ZNF100: variants seen among roughly 807,000 people sequenced by gnomAD.
The protein encoded by ZNF100 is zinc finger protein 100 (Y1).
ZNF100 carries 12 observed loss-of-function variants against 15.8 expected under a neutral mutation model. The ratio of observed to expected loss-of-function variants is 0.76; its 90% CI spans 0.49 to 1.23. The LOEUF (loss-of-function observed/expected upper bound fraction) is 1.23. Among genes scored for constraint, ZNF100 ranks in the 50% most tolerant of loss-of-function variants. The probability of loss-of-function intolerance (pLI) is 0.00; values close to 1 mark genes in which losing one functional copy is unlikely to be tolerated. For synonymous variants in ZNF100, 226 were observed against 214.8 expected, an observed-to-expected ratio of 1.05 and a Z score of -0.45; for missense variants, 670 against 635.6, an observed-to-expected ratio of 1.05 and a Z score of -0.58.
intron 4 of ZNF100, among the ~76,000 whole-genome samples, chr19:21,741,254 G>C (rs1460254317): frequency 7.1e-6 from 1 of 141,464 alleles, no homozygotes; most frequent in Non-Finnish European, 1.6e-5. Context: ...GCTGGGGAGA[G>C]GGTAAAATGG....
At chr19:21,750,902 CG>C in intron 2 of ZNF100, 1 of 590,676 alleles carries the variant, frequency 1.7e-6, no homozygotes, top group East Asian at 2.8e-5. Context: ...CAAGCTGGGC[CG>C]GTGCGTGGTG....
intron 2 of ZNF100, among the ~76,000 whole-genome samples, chr19:21,760,622 G>T (rs1311558441): frequency 6.6e-6 from 1 of 151,800 alleles, no homozygotes; most frequent in Non-Finnish European, 1.5e-5. Context: ...TTGCCATCCA[G>T]ACAATCATCT....
chr19:21,752,578 A>G (rs1334198367), intron 2 of ZNF100: 2 of 149,822 alleles, frequency 1.3e-5, no homozygotes, highest in African/African-American at 4.9e-5. Context: ...ATCAGTTATG[A>G]TATCTACTTC....
intron 2 of ZNF100, chr19:21,750,788 G>A: frequency 2.5e-6 from 1 of 392,908 alleles, no homozygotes; most frequent in Non-Finnish European, 4.5e-6. Context: ...GCTGCTGAGG[G>A]CGGCGAGTAG....
Position 21,726,611 on chromosome 19 carries a change from G to C in ZNF100, c.*72C>G. The C allele has an allele frequency of 7.5e-7, 1 of 1,341,330 alleles. No individual in the cohort carries two copies. Among genetic ancestry groups the C allele is most frequent in the Non-Finnish European group, 1.0e-6 (1 of 973,812 alleles). The allele number at this position is 1,341,330 out of a possible 1,614,324, so 83.1% of individuals were successfully genotyped here. A position where few individuals can be genotyped will look rare whatever the true frequency, so the allele number is the denominator to read the frequency against. The stretch of plus-strand genomic sequence containing the variant: ...TTTGCCATATTCTTCACAGTCACAG[G>C]AGTTCCCTCCAGTATGAATTTTTTT... On this transcript the variant is annotated 3_prime_UTR_variant, in exon 5 of 5. Coordinates refer to ENST00000358296, the MANE Select transcript of ZNF100 (RefSeq NM_173531.4).
intron 4 of ZNF100, among the ~76,000 whole-genome samples, chr19:21,730,634 G>A (rs111585880): frequency 0.023 from 3,501 of 152,100 alleles, 142 homozygotes; most frequent in African/African-American, 0.08. Context: ...AGGACGTGAA[G>A]GCAGTATAAA....
At chr19:21,766,786 G>A (rs1403534400) in intron 1 of ZNF100, among the ~76,000 whole-genome samples, 1 of 152,040 alleles carries the variant, frequency 6.6e-6, no homozygotes, top group African/African-American at 2.4e-5. Flanking sequence ...GAGGTCAGGA[G>A]TTCAAGACCA....
At chr19:21,753,970 C>G (rs1291962250) in intron 2 of ZNF100, among the ~76,000 whole-genome samples, 2 of 152,072 alleles carry the variant, frequency 1.3e-5, no homozygotes, top group Non-Finnish European at 2.9e-5. Context: ...AGGCAAGGAA[C>G]AAATAATTTT....
chr19:21,752,132 T>G (rs1306452239), intron 2 of ZNF100: 7 of 167,282 alleles, frequency 4.2e-5, no homozygotes, highest in Admixed American at 1.9e-4. Context: ...CTTTTTAATG[T>G]AAACAGAGTC....
At chr19:21,763,213 T>C (rs2036508129) in intron 2 of ZNF100, among the ~76,000 whole-genome samples, 1 of 152,184 alleles carries the variant, frequency 6.6e-6, no homozygotes, top group Non-Finnish European at 1.5e-5. Context: ...CCTTGATTCT[T>C]GAGTGAAATC....
At chr19:21,760,390 G>A (rs904558617) in intron 2 of ZNF100, among the ~76,000 whole-genome samples, 23 of 151,696 alleles carry the variant, frequency 1.5e-4, no homozygotes, top group African/African-American at 5.3e-4. Context: ...AGCTAGTTGG[G>A]AGGCTGAGGC....
intron 3 of ZNF100, among the ~76,000 whole-genome samples, chr19:21,744,539 T>C (rs1240016246): frequency 6.6e-6 from 1 of 151,648 alleles, no homozygotes; most frequent in African/African-American, 2.4e-5. Context: ...TGCCCGGCTA[T>C]TTCTGTATTT....
In ZNF100 at chr19:21,723,577, AATTCAGCAAG is replaced by A. The variant is rs1441016585; in HGVS notation, c.*3096_*3105del. The A allele has an allele frequency of 6.6e-6, 1 of 152,166 alleles. No individual in the cohort carries two copies. Among genetic ancestry groups the A allele is most frequent in the East Asian group, 1.9e-4 (1 of 5,192 alleles). The allele number at this position is 152,166 out of a possible 1,614,324, so 9.4% of individuals were successfully genotyped here. On this transcript the variant is annotated 3_prime_UTR_variant, in exon 5 of 5. Coordinates refer to ENST00000358296, the MANE Select transcript of ZNF100 (RefSeq NM_173531.4). ...ATAAAAGATGCAGAACTTCTCTTTA[AATTCAGCAAG>A]ATTCAGCATTGCAGCCTGGAAACTA...
intron 2 of ZNF100, among the ~76,000 whole-genome samples, chr19:21,763,541 G>T (rs537506749): frequency 6.6e-6 from 1 of 152,164 alleles, no homozygotes; most frequent in Non-Finnish European, 1.5e-5. Context: ...AGTGAGCCGA[G>T]ATTGCACCAC....
At chr19:21,736,654 C>T (rs756312731) in intron 4 of ZNF100, among the ~76,000 whole-genome samples, 1 of 152,152 alleles carries the variant, frequency 6.6e-6, no homozygotes, top group African/African-American at 2.4e-5. Context: ...GGAAGTAAAA[C>T]ATTCCTTAGC....
At chr19:21,754,247 C>CAAAA (rs1372421865) in intron 2 of ZNF100, among the ~76,000 whole-genome samples, 1 of 148,960 alleles carries the variant, frequency 6.7e-6, no homozygotes, top group African/African-American at 2.5e-5. Flanking sequence ...AAAAAAAAAA[C>CAAAA]AACAAAACAT....
intron 2 of ZNF100, among the ~76,000 whole-genome samples, chr19:21,747,512 T>C (rs2036231692): frequency 6.6e-6 from 1 of 152,200 alleles, no homozygotes; most frequent in Admixed American, 6.5e-5. Context: ...AAAGGGTTCA[T>C]GAATGGGTGT....
chr19:21,724,010 C>G lies in ZNF100; in HGVS notation c.*2673G>C, dbSNP rs543685054. The G allele has an allele frequency of 5.9e-5, 9 of 152,214 alleles. No homozygotes were observed. The highest frequency in any genetic ancestry group is 3.9e-4 in the Admixed American group (6 of 15,284). The allele number at this position is 152,214 out of a possible 1,614,324, so 9.4% of individuals were successfully genotyped here. On this transcript the variant is annotated 3_prime_UTR_variant, in exon 5 of 5. Coordinates refer to ENST00000358296, the MANE Select transcript of ZNF100 (RefSeq NM_173531.4). ...TGCACTAAATTTTGTAAAAATTATT[C>G]TTATAATCACAGACCAGCTCACATA...
intron 2 of ZNF100, chr19:21,750,697 G>A (rs1444515316): frequency 2.3e-5 from 6 of 264,488 alleles, no homozygotes; most frequent in Admixed American, 5.2e-5. Flanking sequence ...CGGGTCGCGG[G>A]GTGGGCGGGT....
Sources: gnomAD v4.1 joint callset for allele counts (sites outside exome capture counted in the v4.1 genomes callset) on GRCh38, gnomAD v4.1.1 for gene constraint, MANE v1.5 for transcripts, NCBI Gene and HGNC (gene_info 2026-07-23, HGNC 2026-07-21) for gene names.